TCF12: variants seen among roughly 807,000 people sequenced by gnomAD.
The protein encoded by TCF12 is DNA-binding protein HTF4.
In TCF12, 45 loss-of-function variants were observed where a neutral mutation model predicts 86.0. The ratio of observed to expected loss-of-function variants is 0.52; its 90% CI spans 0.41 to 0.67. TCF12 has a LOEUF of 0.67. TCF12 is among the 30% of genes least tolerant of loss of function. The pLI is 0.00. For synonymous variants in TCF12, 330 were observed against 299.6 expected, an observed-to-expected ratio of 1.10 and a Z score of -1.05; for missense variants, 881 against 859.9, an observed-to-expected ratio of 1.02 and a Z score of -0.31.
At chr15:57,238,241 A>G (rs1414800884) in intron 12 of TCF12, among the ~76,000 whole-genome samples, 2 of 152,094 alleles carry the variant, frequency 1.3e-5, no homozygotes, top group Admixed American at 6.5e-5. Context: ...TTTTACATAT[A>G]GCATTGGGGC....
At chr15:56,922,677 A>T (rs150205240) in intron 3 of TCF12, among the ~76,000 whole-genome samples, 1 of 152,032 alleles carries the variant, frequency 6.6e-6, no homozygotes, top group Non-Finnish European at 1.5e-5. Context: ...TTGAACTTAC[A>T]CACCTGTAGT....
chr15:57,000,108 C>G (rs1247591634), intron 3 of TCF12, among the ~76,000 whole-genome samples: 1 of 152,158 alleles, frequency 6.6e-6, no homozygotes, highest in Non-Finnish European at 1.5e-5. Context: ...GAACACATTT[C>G]CTATACTTAA....
At chr15:57,133,446 C>T (rs1437567669) in intron 5 of TCF12, among the ~76,000 whole-genome samples, 1 of 152,186 alleles carries the variant, frequency 6.6e-6, no homozygotes, top group Non-Finnish European at 1.5e-5. Flanking sequence ...ACCAGTAAGA[C>T]TCCAGAGAGC....
intron 16 of TCF12, 36 bp downstream of exon 16, chr15:57,253,504 A>G (rs1179083298): frequency 1.9e-6 from 3 of 1,605,500 alleles, no homozygotes; most frequent in Non-Finnish European, 2.6e-6. Context: ...AGTAAACCCT[A>G]AAGATTCTTG....
chr15:56,956,377 A>G (rs1175092456), intron 3 of TCF12, among the ~76,000 whole-genome samples: 3 of 151,608 alleles, frequency 2.0e-5, no homozygotes, highest in African/African-American at 4.8e-5. Flanking sequence ...ATAACTTGTT[A>G]TTTTAGTGGT....
chr15:57,231,103 A>T (rs2059118051), intron 8 of TCF12, 49 bp from the exon 9 acceptor site: 1 of 1,413,982 alleles, frequency 7.1e-7, no homozygotes, highest in African/African-American at 1.4e-5. Flanking sequence ...TTACATAAGT[A>T]ATATGATAGT....
chr15:57,057,473 C>A (rs550781882), intron 3 of TCF12, among the ~76,000 whole-genome samples: 2 of 152,326 alleles, frequency 1.3e-5, no homozygotes, highest in East Asian at 1.9e-4. Flanking sequence ...CTGGTCTCTT[C>A]TTTCAAGTTT....
intron 20 of TCF12, among the ~76,000 whole-genome samples, chr15:57,283,794 T>C (rs1276888545): frequency 1.3e-5 from 2 of 152,214 alleles, no homozygotes; most frequent in Admixed American, 1.3e-4. Flanking sequence ...AACTCACCTT[T>C]TCCTGAGGGT....
At chr15:57,119,418 G>A (rs72731934) in intron 5 of TCF12, among the ~76,000 whole-genome samples, 34,940 of 149,178 alleles carry the variant, frequency 0.23, 4,190 homozygotes, top group Non-Finnish European at 0.24. Flanking sequence ...CTTCCAAACC[G>A]CTGGAATTAT....
intron 3 of TCF12, among the ~76,000 whole-genome samples, chr15:56,921,565 C>A (rs1481058672): frequency 6.6e-6 from 1 of 151,772 alleles, no homozygotes; most frequent in Admixed American, 6.6e-5. Context: ...CTTTTAAAAA[C>A]TCATAATTTA....
chr15:57,271,976 A>G (rs775007266), intron 18 of TCF12, among the ~76,000 whole-genome samples: 6 of 152,200 alleles, frequency 3.9e-5, no homozygotes, highest in Non-Finnish European at 8.8e-5. Flanking sequence ...CCTTTCCTCC[A>G]TCCCGTGGTC....
chr15:57,173,806 C>T (rs1383621591), intron 6 of TCF12, among the ~76,000 whole-genome samples: 3 of 151,562 alleles, frequency 2.0e-5, no homozygotes, highest in Non-Finnish European at 2.9e-5. Context: ...CTCCCAGGTT[C>T]GAGTGATTCT....
intron 4 of TCF12, among the ~76,000 whole-genome samples, chr15:57,083,333 C>T (rs1237198220): frequency 1.3e-5 from 2 of 152,020 alleles, no homozygotes; most frequent in Admixed American, 1.3e-4. Flanking sequence ...TTGATGTTTG[C>T]ATTTCAGTGG....
intron 3 of TCF12, among the ~76,000 whole-genome samples, chr15:56,939,681 T>C (rs1345162555): frequency 6.6e-6 from 1 of 152,056 alleles, no homozygotes; most frequent in Admixed American, 6.6e-5. Flanking sequence ...GTGTGATAGG[T>C]TGGTGGAAAG....
intron 16 of TCF12, among the ~76,000 whole-genome samples, chr15:57,256,671 A>G (rs1331462702): frequency 6.6e-6 from 1 of 151,808 alleles, no homozygotes; most frequent in Admixed American, 6.6e-5. Context: ...TGGAGGCTAT[A>G]TGGCCAGACT....
intron 6 of TCF12, among the ~76,000 whole-genome samples, chr15:57,185,613 A>T (rs2056622606): frequency 1.3e-5 from 2 of 152,208 alleles, no homozygotes; most frequent in Non-Finnish European, 2.9e-5. Context: ...AAATATCAAC[A>T]AGGTGACTCA....
At chr15:56,921,961 G>A (rs2059812981) in intron 3 of TCF12, among the ~76,000 whole-genome samples, 1 of 151,896 alleles carries the variant, frequency 6.6e-6, no homozygotes, top group African/African-American at 2.4e-5. Context: ...AGTATAGCAT[G>A]TCCTTAATCA....
intron 8 of TCF12, chr15:57,214,338 TC>T (rs1484486276): frequency 6.6e-6 from 1 of 152,228 alleles, no homozygotes; most frequent in African/African-American, 2.4e-5. Flanking sequence ...CATGTTGATG[TC>T]GGAGGGATAC....
rs554789282 is a variant in TCF12 at position 57,183,348 on chromosome 15, A to G, written c.391-8810A>G. Reference sequence around the variant, plus strand: ...ACACAAATGCACACACTTTTGCTAAATCATTTGAGAATAAGTTGACATTTT... The same window carrying G: ...ACACAAATGCACACACTTTTGCTAAGTCATTTGAGAATAAGTTGACATTTT... On this transcript the variant is annotated intron_variant, in intron 6 of 20. Coordinates refer to ENST00000333725, the MANE Select transcript of TCF12 (RefSeq NM_207037.2). Among the ~76,000 whole-genome samples, 19 of 152,288 alleles carry G rather than the reference A, an allele frequency of 1.2e-4. No homozygotes were observed. The South Asian group carries it at 1.9e-3, about 15-fold the overall frequency.
Sources: gnomAD v4.1 joint callset for allele counts (sites outside exome capture counted in the v4.1 genomes callset) on GRCh38, gnomAD v4.1.1 for gene constraint, MANE v1.5 for transcripts, NCBI Gene and HGNC (gene_info 2026-07-23, HGNC 2026-07-21) for gene names.